Variants in TOP6BL observed in about 807,000 individuals in gnomAD.
TOP6BL encodes type 2 DNA topoisomerase 6 subunit B-like.
chr11:66,751,418 C>T, the TOP6BL span, among the ~76,000 whole-genome samples: 58 of 151,968 alleles, frequency 3.8e-4, 1 homozygote, highest in East Asian at 0.011. Context: ...TGGTCTCGAT[C>T]TCTTGACCTC....
the TOP6BL span, among the ~76,000 whole-genome samples, chr11:66,800,855 A>C: frequency 2.0e-5 from 3 of 152,304 alleles, no homozygotes; most frequent in Admixed American, 2.0e-4. Flanking sequence ...ATTTTAGTAG[A>C]TTCATCCCTG....
chr11:66,843,353 G>T, the TOP6BL span: 1 of 1,440,552 alleles, frequency 6.9e-7, no homozygotes, highest in South Asian at 1.4e-5. Flanking sequence ...TTCCGCGTCG[G>T]GCCCGGGCGG....
chr11:66,813,785 T>A, the TOP6BL span: 4 of 1,314,420 alleles, frequency 3.0e-6, no homozygotes, highest in Non-Finnish European at 4.3e-6. Flanking sequence ...GTAAACCAGG[T>A]CAGTGTTGTT....
At chr11:66,780,379 T>G in the TOP6BL span, among the ~76,000 whole-genome samples, 3 of 152,152 alleles carry the variant, frequency 2.0e-5, no homozygotes, top group African/African-American at 7.2e-5. Flanking sequence ...ATAGCTGGGT[T>G]TCCATCTTCA....
At chr11:66,819,904 TAA>T in the TOP6BL span, among the ~76,000 whole-genome samples, 588 of 119,738 alleles carry the variant, frequency 4.9e-3, 1 homozygote, top group Middle Eastern at 8.1e-3. Flanking sequence ...ACTCTTGTCT[TAA>T]AAAAAAAAAA....
At chr11:66,750,522 TG>T in the TOP6BL span, among the ~76,000 whole-genome samples, 3 of 151,988 alleles carry the variant, frequency 2.0e-5, no homozygotes, top group African/African-American at 7.2e-5. Context: ...CACTCCAGCC[TG>T]GGTGACAGAG....
At chr11:66,826,744 G>A in the TOP6BL span, among the ~76,000 whole-genome samples, 1 of 152,064 alleles carries the variant, frequency 6.6e-6, no homozygotes, top group South Asian at 2.1e-4. Context: ...GTGCAGTGGT[G>A]CAATCTCGGC....
chr11:66,775,537 G>A, the TOP6BL span, among the ~76,000 whole-genome samples: 1 of 152,216 alleles, frequency 6.6e-6, no homozygotes, highest in Non-Finnish European at 1.5e-5. Context: ...CCTTCCAGGA[G>A]AAGCTTTAAG....
chr11:66,772,837 T>C, the TOP6BL span, among the ~76,000 whole-genome samples: 2 of 152,352 alleles, frequency 1.3e-5, no homozygotes, highest in South Asian at 4.1e-4. Context: ...TTGTAATGTC[T>C]TTGTCTTTTT....
At chr11:66,830,512 A>G in the TOP6BL span, among the ~76,000 whole-genome samples, 3 of 152,188 alleles carry the variant, frequency 2.0e-5, no homozygotes, top group Admixed American at 6.5e-5. Flanking sequence ...AACACAAATT[A>G]AACAGAAGAA....
At chr11:66,747,592 G>A in the TOP6BL span, among the ~76,000 whole-genome samples, 2 of 151,978 alleles carry the variant, frequency 1.3e-5, no homozygotes, top group East Asian at 3.9e-4. Flanking sequence ...AGGAGTCTGT[G>A]GTTTGGAGAG....
At chr11:66,780,264 A>T in the TOP6BL span, among the ~76,000 whole-genome samples, 12 of 152,076 alleles carry the variant, frequency 7.9e-5, no homozygotes, top group Non-Finnish European at 1.3e-4. Context: ...GCCTTATGAG[A>T]TTATTTTTGC....
the TOP6BL span, among the ~76,000 whole-genome samples, chr11:66,751,297 C>T: frequency 1.4e-4 from 21 of 152,060 alleles, no homozygotes; most frequent in Non-Finnish European, 2.2e-4. Flanking sequence ...CAGATTCAAG[C>T]GATTCTCCTT....
chr11:66,800,037 G>T, the TOP6BL span, among the ~76,000 whole-genome samples: 3 of 150,672 alleles, frequency 2.0e-5, no homozygotes, highest in Non-Finnish European at 4.4e-5. Context: ...TGCACTCCAG[G>T]CTGGGCAACA....
At chr11:66,757,706 T>C in the TOP6BL span, among the ~76,000 whole-genome samples, 9 of 152,046 alleles carry the variant, frequency 5.9e-5, no homozygotes, top group African/African-American at 2.2e-4. Flanking sequence ...CCTGCCTCAG[T>C]CTCCCAAGTA....
the TOP6BL span, among the ~76,000 whole-genome samples, chr11:66,755,697 C>G: frequency 1.3e-5 from 2 of 152,176 alleles, no homozygotes; most frequent in Non-Finnish European, 2.9e-5. Flanking sequence ...GTTCTGGAGG[C>G]TAGAAGTCCA....
chr11:66,834,355 TA>T, the TOP6BL span, among the ~76,000 whole-genome samples: 1 of 152,110 alleles, frequency 6.6e-6, no homozygotes, highest in African/African-American at 2.4e-5. Context: ...GGTCATTGAG[TA>T]GAACCCATGA....
chr11:66,806,516 C>G, the TOP6BL span, among the ~76,000 whole-genome samples: 1 of 152,050 alleles, frequency 6.6e-6, no homozygotes, highest in African/African-American at 2.4e-5. Flanking sequence ...GCCTGTAATC[C>G]CAGCACTTTG....
the TOP6BL span, chr11:66,744,831 C>CGGCGGCGGCGGCGGCGGCG: frequency 7.6e-7 from 1 of 1,322,336 alleles, no homozygotes. Flanking sequence ...GCGGCGGCGG[C>CGGCGGCGGCGGCGGCGGCG]GGCGGCGGCG....
Sources: allele counts gnomAD v4.1 joint callset (sites outside exome capture counted in the v4.1 genomes callset), GRCh38; gene constraint gnomAD v4.1.1; transcripts MANE v1.5; gene names NCBI Gene and HGNC (gene_info 2026-07-23, HGNC 2026-07-21).